Variants in POLR1C observed in about 807,000 individuals in gnomAD.
POLR1C encodes the protein RNA polymerase I and III subunit C, also known as DNA-directed RNA polymerases I and III subunit RPAC1.
POLR1C carries 42 observed loss-of-function variants against 38.3 expected under a neutral mutation model. That is an observed-to-expected ratio of 1.10 (90% confidence interval 0.86 to 1.42). The LOEUF (loss-of-function observed/expected upper bound fraction) is 1.42, where lower values mean the gene tolerates loss of function less well. POLR1C is among the 40% of genes most tolerant of loss of function. POLR1C has a pLI of 0.00. For missense variants in POLR1C, 507 were observed against 450.5 expected (o/e 1.13, Z -1.14); for synonymous variants, 163 against 163.9 (o/e 0.99, Z 0.04).
chr6:43,556,940 C>T (rs1244738058), intron 10 of POLR1C, among the ~76,000 whole-genome samples: 1 of 151,562 alleles, frequency 6.6e-6, no homozygotes, highest in Non-Finnish European at 1.5e-5. Context: ...CCAGCCTGGC[C>T]AACATGATGA....
intron 8 of POLR1C, chr6:43,529,002 G>A: frequency 1.5e-6 from 2 of 1,358,092 alleles, no homozygotes; most frequent in Non-Finnish European, 1.0e-6. Context: ...GCACCCCTGG[G>A]CAGAATCAAT....
intron 8 of POLR1C, chr6:43,528,916 A>G: frequency 6.2e-7 from 1 of 1,612,688 alleles, no homozygotes; most frequent in South Asian, 1.1e-5. Flanking sequence ...CAGAGGCTTT[A>G]CAAAGACACG....
downstream of POLR1C, chr6:43,531,606 G>A (rs763302730): frequency 1.6e-5 from 25 of 1,575,244 alleles, no homozygotes; most frequent in Non-Finnish European, 2.1e-5. Context: ...AGAACATGAT[G>A]CTCCACTGTC....
At chr6:43,555,595 G>A in intron 10 of POLR1C, 1 of 319,948 alleles carries the variant, frequency 3.1e-6, no homozygotes, top group Non-Finnish European at 5.6e-6. Context: ...GTTAGAAATG[G>A]AAAATGATGG....
chr6:43,526,067 A>C (rs560251660), downstream of POLR1C: 31 of 747,962 alleles, frequency 4.1e-5, no homozygotes, highest in South Asian at 5.4e-4. Flanking sequence ...TCCCACCTCC[A>C]CATAATGCCC....
intron 10 of POLR1C, chr6:43,561,156 C>T (rs762532379): frequency 3.0e-5 from 19 of 640,124 alleles, no homozygotes; most frequent in Non-Finnish European, 5.2e-5. Context: ...AGAAAGGCAT[C>T]ACTTCAAGGG....
chr6:43,528,625 G>T (rs1183765818), intron 8 of POLR1C, among the ~76,000 whole-genome samples: 1 of 152,156 alleles, frequency 6.6e-6, no homozygotes, highest in South Asian at 2.1e-4. Context: ...AACTGAAGCT[G>T]TCTTGTGGCA....
chr6:43,560,256 A>T, intron 10 of POLR1C: 1 of 1,612,356 alleles, frequency 6.2e-7, no homozygotes, highest in Non-Finnish European at 8.5e-7. Context: ...ACAGGATTTC[A>T]TGCCTGAAGA....
intron 10 of POLR1C, chr6:43,551,080 TA>T: frequency 2.7e-6 from 1 of 368,344 alleles, no homozygotes; most frequent in Non-Finnish European, 4.8e-6. Context: ...CACATAATTT[TA>T]AAAATAGTTA....
At chr6:43,548,739 T>C (rs950304052) in intron 9 of POLR1C, among the ~76,000 whole-genome samples, 2 of 150,700 alleles carry the variant, frequency 1.3e-5, no homozygotes, top group African/African-American at 4.9e-5. Flanking sequence ...TATAGATATA[T>C]ATGTATATCT....
At chr6:43,545,505 G>A (rs960662627) in intron 9 of POLR1C, among the ~76,000 whole-genome samples, 2 of 152,150 alleles carry the variant, frequency 1.3e-5, no homozygotes, top group South Asian at 2.1e-4. Flanking sequence ...CCAGGAGTTC[G>A]AGACCAGCCT....
chr6:43,526,467 G>A (rs1793596848), downstream of POLR1C: 1 of 580,372 alleles, frequency 1.7e-6, no homozygotes, highest in Non-Finnish European at 3.1e-6. Context: ...TCACATATAT[G>A]GTTGGGAGGA....
chr6:43,517,257 GCTGTGGGCTCA>G, intron 1 of POLR1C, 38 bp from the exon 2 acceptor site: 17 of 1,607,520 alleles, frequency 1.1e-5, no homozygotes, highest in Non-Finnish European at 1.4e-5. Context: ...CGTGGGGATA[GCTGTGGGCTCA>G]CTGTCCCTTC....
At chr6:43,551,667 G>C (rs1795234795) in intron 10 of POLR1C, among the ~76,000 whole-genome samples, 1 of 152,174 alleles carries the variant, frequency 6.6e-6, no homozygotes, top group Non-Finnish European at 1.5e-5. Flanking sequence ...TAGGACTACA[G>C]GCGGGCACCA....
At chr6:43,534,912 T>C (rs1794221213) in intron 9 of POLR1C, among the ~76,000 whole-genome samples, 2 of 152,056 alleles carry the variant, frequency 1.3e-5, no homozygotes, top group Admixed American at 6.6e-5. Flanking sequence ...GCAGAATTGC[T>C]TGAACTTGCG....
At chr6:43,527,775 G>A (rs981739733) in intron 8 of POLR1C, 1 of 1,602,788 alleles carries the variant, frequency 6.2e-7, no homozygotes, top group Non-Finnish European at 8.5e-7. Context: ...GTGCAGAAAA[G>A]GAAGGACAAG....
chr6:43,518,870 C>T (rs1479605921), intron 2 of POLR1C, among the ~76,000 whole-genome samples: 2 of 152,074 alleles, frequency 1.3e-5, no homozygotes, highest in East Asian at 1.9e-4. Flanking sequence ...TTGGTAGAGA[C>T]GGGGTTTCAC....
At chr6:43,539,121 G>C in intron 9 of POLR1C, 2 of 1,222,434 alleles carry the variant, frequency 1.6e-6, no homozygotes, top group Non-Finnish European at 2.3e-6. Flanking sequence ...GCAGGGATGA[G>C]GCGCACCAGC....
downstream of POLR1C, among the ~76,000 whole-genome samples, chr6:43,531,306 A>G (rs1300153845): frequency 1.3e-5 from 2 of 152,260 alleles, no homozygotes; most frequent in Non-Finnish European, 2.9e-5. Context: ...ATTACAAAAA[A>G]AGCAAATGCA....
Sources: allele counts gnomAD v4.1 joint callset (sites outside exome capture counted in the v4.1 genomes callset), GRCh38; gene constraint gnomAD v4.1.1; transcripts MANE v1.5; gene names NCBI Gene and HGNC (gene_info 2026-07-23, HGNC 2026-07-21).